DLGAP2: variants seen among roughly 807,000 people sequenced by gnomAD.
DLGAP2 encodes the protein DLG associated protein 2, also known as disks large-associated protein 2.
A neutral mutation model predicts 100.3 loss-of-function variants in DLGAP2; 26 were observed. The observed-to-expected ratio is 0.26, with a 90% CI of 0.19 to 0.36. DLGAP2 has a LOEUF of 0.36. Ranked by LOEUF, DLGAP2 falls within the 10% of genes least tolerant of loss-of-function variation. DLGAP2 has a pLI of 1.00. For synonymous variants in DLGAP2, 886 were observed against 630.1 expected (o/e 1.41, Z -6.08); for missense variants, 1,858 against 1,453.2 (o/e 1.28, Z -4.53).
intron 3 of DLGAP2, among the ~76,000 whole-genome samples, chr8:1,318,480 T>G (rs900655049): frequency 6.6e-6 from 1 of 150,534 alleles, no homozygotes; most frequent in Non-Finnish European, 1.5e-5. Context: ...ATGGCAGCCC[T>G]CTTCACGCCT....
chr8:1,483,671 G>GGCAGGTGCAGGAGGTGGGGACCAGGGAA, intron 3 of DLGAP2, among the ~76,000 whole-genome samples: 1 of 151,492 alleles, frequency 6.6e-6, no homozygotes, highest in Non-Finnish European at 1.5e-5. Context: ...AGAGCAGGGA[G>GGCAGGTGCAGGAGGTGGGGACCAGGGAA]GCAGGTGCAG....
At chr8:1,029,470 C>G (rs553748572) in intron 2 of DLGAP2, among the ~76,000 whole-genome samples, 1 of 152,252 alleles carries the variant, frequency 6.6e-6, no homozygotes, top group African/African-American at 2.4e-5. Context: ...CGGCATCCAG[C>G]AGTGCTGAGA....
intron 2 of DLGAP2, among the ~76,000 whole-genome samples, chr8:1,061,663 T>G (rs1803087349): frequency 6.6e-6 from 1 of 151,990 alleles, no homozygotes; most frequent in Non-Finnish European, 1.5e-5. Context: ...CTGTGGTGTT[T>G]TCCAGGGAGC....
At chr8:1,115,115 G>C (rs916390430) in intron 2 of DLGAP2, among the ~76,000 whole-genome samples, 5 of 152,180 alleles carry the variant, frequency 3.3e-5, no homozygotes, top group Admixed American at 3.3e-4. Context: ...TCAATTATGT[G>C]GTCTGTTTTA....
At chr8:978,595 G>A (rs13279995) in intron 2 of DLGAP2, among the ~76,000 whole-genome samples, 15 of 33,610 alleles carry the variant, frequency 4.5e-4, no homozygotes, top group African/African-American at 1.3e-3. Flanking sequence ...TGCAGTGAGG[G>A]GCTGGGTTCT....
intron 2 of DLGAP2, among the ~76,000 whole-genome samples, chr8:1,059,560 T>G (rs1435771859): frequency 6.6e-6 from 1 of 152,180 alleles, no homozygotes; most frequent in Non-Finnish European, 1.5e-5. Flanking sequence ...CTCCCCTCCA[T>G]TAGGCTGTGA....
chr8:1,250,072 G>T (rs1799003792), intron 2 of DLGAP2, among the ~76,000 whole-genome samples: 1 of 152,080 alleles, frequency 6.6e-6, no homozygotes, highest in Non-Finnish European at 1.5e-5. Flanking sequence ...GTAGAGATGG[G>T]GTTTCACCAT....
intron 3 of DLGAP2, among the ~76,000 whole-genome samples, chr8:1,355,517 A>G (rs1801828169): frequency 6.6e-6 from 1 of 151,832 alleles, no homozygotes; most frequent in Admixed American, 6.6e-5. Context: ...GGTGTGTGCC[A>G]CCATGCTTGG....
intron 2 of DLGAP2, among the ~76,000 whole-genome samples, chr8:1,143,621 G>A (rs1299535697): frequency 2.6e-5 from 4 of 152,264 alleles, no homozygotes; most frequent in East Asian, 3.9e-4. Flanking sequence ...TTCTGCAGGC[G>A]GCATCTGAGA....
chr8:1,180,166 A>G (rs1018182350), intron 2 of DLGAP2, among the ~76,000 whole-genome samples: 3 of 152,170 alleles, frequency 2.0e-5, no homozygotes, highest in Non-Finnish European at 2.9e-5. Flanking sequence ...CTGAGGACGT[A>G]AATTACACTT....
intron 2 of DLGAP2, among the ~76,000 whole-genome samples, chr8:1,023,482 C>T (rs568365793): frequency 2.4e-4 from 36 of 152,254 alleles, no homozygotes; most frequent in African/African-American, 3.9e-4. Flanking sequence ...AGTTGCACAC[C>T]GCAGCACCTG....
At chr8:1,470,775 A>ACCCCCCCAGGCTTT (rs1563168449) in intron 3 of DLGAP2, among the ~76,000 whole-genome samples, 1 of 75,982 alleles carries the variant, frequency 1.3e-5, no homozygotes, top group Admixed American at 1.3e-4. Context: ...GCCTTTCCCG[A>ACCCCCCCAGGCTTT]CTCCCCCAGC....
chr8:1,562,950 C>T (rs1278520676), intron 5 of DLGAP2, among the ~76,000 whole-genome samples: 1 of 63,342 alleles, frequency 1.6e-5, no homozygotes. Flanking sequence ...GTGCAGTGTC[C>T]GGGTGTCCGC....
intron 2 of DLGAP2, among the ~76,000 whole-genome samples, chr8:1,240,195 G>C (rs1206585616): frequency 7.3e-6 from 1 of 136,470 alleles, no homozygotes; most frequent in Non-Finnish European, 1.6e-5. Context: ...AGAGTATCGT[G>C]TCTAGTTCTC....
At chr8:836,794 A>T (rs557520636) in intron 1 of DLGAP2, among the ~76,000 whole-genome samples, 3 of 152,280 alleles carry the variant, frequency 2.0e-5, no homozygotes, top group African/African-American at 7.2e-5. Flanking sequence ...TAAAGATGGC[A>T]TCTAACGGAG....
chr8:1,458,969 G>A (rs932505437), intron 3 of DLGAP2, among the ~76,000 whole-genome samples: 2 of 152,156 alleles, frequency 1.3e-5, no homozygotes, highest in African/African-American at 4.8e-5. Flanking sequence ...CAACCAGGTG[G>A]TTTACATGCA....
chr8:949,394 G>T (rs181748402), intron 2 of DLGAP2, among the ~76,000 whole-genome samples: 1 of 152,200 alleles, frequency 6.6e-6, no homozygotes, highest in Non-Finnish European at 1.5e-5. Context: ...CCACGGATTG[G>T]CTGGGGCCGC....
intron 6 of DLGAP2, among the ~76,000 whole-genome samples, chr8:1,570,127 T>C (rs1437934713): frequency 1.3e-5 from 2 of 152,222 alleles, no homozygotes; most frequent in African/African-American, 4.8e-5. Context: ...TCTTGAAAGA[T>C]TTTAACAGTG....
intron 2 of DLGAP2, among the ~76,000 whole-genome samples, chr8:1,139,599 A>G (rs932944509): frequency 5.9e-5 from 9 of 152,168 alleles, no homozygotes; most frequent in South Asian, 4.1e-4. Flanking sequence ...TGAGGGTACA[A>G]ACATTCAGTC....
Sources: gnomAD v4.1 joint callset for allele counts (sites outside exome capture counted in the v4.1 genomes callset) on GRCh38, gnomAD v4.1.1 for gene constraint, MANE v1.5 for transcripts, NCBI Gene and HGNC (gene_info 2026-07-23, HGNC 2026-07-21) for gene names.